The following HSPA12A variants were observed in gnomAD, a reference collection of about 807,000 sequenced individuals.
HSPA12A encodes the protein heat shock 70 kDa protein 12A.
A neutral mutation model predicts 69.2 loss-of-function variants in HSPA12A; 28 were observed. The observed-to-expected ratio is 0.40, with a 90% CI of 0.30 to 0.55. The LOEUF is 0.55. Ranked by LOEUF, HSPA12A falls within the 20% of genes least tolerant of loss-of-function variation. HSPA12A has a pLI of 0.38. For synonymous variants in HSPA12A, 345 were observed against 370.5 expected (o/e 0.93, Z 0.79); for missense variants, 686 against 900.7 (o/e 0.76, Z 3.05).
intron 2 of HSPA12A, among the ~76,000 whole-genome samples, chr10:116,795,366 T>C (rs1844796441): frequency 1.3e-5 from 2 of 152,140 alleles, no homozygotes; most frequent in South Asian, 4.1e-4. Context: ...AGTAGTAAAA[T>C]AAAATTTCCT....
intron 1 of HSPA12A, among the ~76,000 whole-genome samples, chr10:116,837,087 T>C (rs967629210): frequency 1.3e-5 from 2 of 152,154 alleles, no homozygotes; most frequent in African/African-American, 4.8e-5. Context: ...TGACACACTG[T>C]GGGAACGGGG....
Position 116,723,862 on chromosome 10 carries a change from C to T in HSPA12A, c.41-16577G>A, listed in dbSNP as rs1036974858. ...GGGCTGTGCTTCCAGGCCCATCTAC[C>T]ATCTTGCCCGATGCCCACCTGAGGG... On this transcript the variant is annotated intron_variant, in intron 1 of 11. Transcript: ENST00000369209. The surrounding 1 kb of genome is among the most constrained non-coding windows in gnomAD (Gnocchi z 4.1). Among the ~76,000 whole-genome samples, 14 of 152,204 alleles carry T rather than the reference C, an allele frequency of 9.2e-5. No individual in the cohort carries two copies. The highest frequency in any genetic ancestry group is 1.5e-5 in the Non-Finnish European group (1 of 68,034).
intron 1 of HSPA12A, among the ~76,000 whole-genome samples, chr10:116,734,704 G>A (rs1442380607): frequency 9.0e-5 from 13 of 144,140 alleles, no homozygotes; most frequent in Non-Finnish European, 3.0e-5. Flanking sequence ...TGAAAAAAGT[G>A]CATTCTGGGC....
intron 3 of HSPA12A, among the ~76,000 whole-genome samples, chr10:116,701,745 G>A (rs1412660680): frequency 6.6e-6 from 1 of 152,206 alleles, no homozygotes; most frequent in Non-Finnish European, 1.5e-5. Context: ...GCGTTGGTTG[G>A]AGAGAGTATG....
At chr10:116,685,922 C>T (rs1194820255) in intron 6 of HSPA12A, among the ~76,000 whole-genome samples, 2 of 152,152 alleles carry the variant, frequency 1.3e-5, no homozygotes, top group Non-Finnish European at 2.9e-5. Flanking sequence ...CTGCACTGTC[C>T]GTGGCGAACC....
At chr10:116,683,602 C>A in intron 7 of HSPA12A, 189 bp downstream of exon 7, 1 of 437,922 alleles carries the variant, frequency 2.3e-6, no homozygotes. Context: ...ACCATGCCTC[C>A]ATTTATGGGG....
Position 116,710,188 on chromosome 10 carries a change from C to T in HSPA12A, c.41-2903G>A, listed in dbSNP as rs564401085. ...CTGCCCACAGCCCTTGGGCAGCCTG[C>T]GGAGAAATGCCATCAGCACCAGAAG... On this transcript the variant is annotated intron_variant, in intron 1 of 11. Coordinates refer to ENST00000369209, the MANE Select transcript of HSPA12A (RefSeq NM_025015.3). This position sits in a 1 kb window ranked among gnomAD's most constrained non-coding sequence, Gnocchi z 4.1. Among the ~76,000 whole-genome samples the T allele has an allele frequency of 6.6e-5, 10 of 152,266 alleles. No individual in the cohort carries two copies. Among genetic ancestry groups the T allele is most frequent in the Middle Eastern group, 3.4e-3 (1 of 292 alleles).
chr10:116,717,142 A>T (rs952312568), intron 1 of HSPA12A, among the ~76,000 whole-genome samples: 3 of 152,160 alleles, frequency 2.0e-5, no homozygotes, highest in Admixed American at 6.5e-5. Flanking sequence ...TACTATCATT[A>T]TTCCCATTCT....
intron 2 of HSPA12A, among the ~76,000 whole-genome samples, chr10:116,819,342 C>T (rs568288306): frequency 1.3e-5 from 2 of 152,210 alleles, no homozygotes; most frequent in Non-Finnish European, 2.9e-5. Flanking sequence ...TTGCACTTTA[C>T]ATAGGAGGGT....
At chr10:116,684,582 T>C (rs1849522144) in intron 6 of HSPA12A, among the ~76,000 whole-genome samples, 1 of 152,058 alleles carries the variant, frequency 6.6e-6, no homozygotes, top group East Asian at 1.9e-4. Context: ...GGGTGACAGA[T>C]AAGCAGTGGC....
At chr10:116,737,941 G>A (rs185948612) in intron 1 of HSPA12A, among the ~76,000 whole-genome samples, 6 of 152,318 alleles carry the variant, frequency 3.9e-5, no homozygotes, top group African/African-American at 9.6e-5. Flanking sequence ...CGCTGGCCCC[G>A]CTCACTCCTG....
chr10:116,758,263 C>A (rs1315929716), intron 2 of HSPA12A, among the ~76,000 whole-genome samples: 1 of 152,162 alleles, frequency 6.6e-6, no homozygotes, highest in Non-Finnish European at 1.5e-5. Context: ...TAGCTCTGCT[C>A]ACCCTTGCCC....
In HSPA12A at chr10:116,723,796, G is replaced by T. The variant is rs1554884689; in HGVS notation, c.41-16511C>A. 6.6e-6 allele frequency among the ~76,000 whole-genome samples: 1 copy of T among 152,186 alleles called. No homozygotes were observed. On this transcript the variant is annotated intron_variant, in intron 1 of 11. Transcript: ENST00000369209. This position sits in a 1 kb window ranked among gnomAD's most constrained non-coding sequence, Gnocchi z 4.1. ...AGTCAGCCTCTCCACCCGTTCCTTAGATCCCGGCTGCTTCCAGTACCGAGC... is the reference window on the plus strand; with the variant it reads ...AGTCAGCCTCTCCACCCGTTCCTTATATCCCGGCTGCTTCCAGTACCGAGC...
At chr10:116,784,088 C>G (rs1378027094) in intron 2 of HSPA12A, among the ~76,000 whole-genome samples, 1 of 152,240 alleles carries the variant, frequency 6.6e-6, no homozygotes, top group South Asian at 2.1e-4. Flanking sequence ...ACATCAGGAC[C>G]TGGTTGCAGT....
chr10:116,707,310 C>A, intron 1 of HSPA12A, 25 bp from the exon 2 acceptor site: 1 of 1,579,670 alleles, frequency 6.3e-7, no homozygotes, highest in South Asian at 1.1e-5. Flanking sequence ...AAAGCCGCCT[C>A]CTTAGAAGTG....
chr10:116,683,738 CCAGGG>C, intron 7 of HSPA12A, 48 bp downstream of exon 7: 1 of 1,439,446 alleles, frequency 6.9e-7, no homozygotes. Flanking sequence ...AGAGAGACAT[CCAGGG>C]CTTGGGAAGG....
chr10:116,803,708 G>A (rs1268992252), intron 2 of HSPA12A, among the ~76,000 whole-genome samples: 6 of 152,192 alleles, frequency 3.9e-5, no homozygotes, highest in Non-Finnish European at 7.3e-5. Context: ...TTCTGAATGA[G>A]GCACATCTTT....
chr10:116,742,679 G>C, upstream of HSPA12A: 7 of 862,580 alleles, frequency 8.1e-6, no homozygotes, highest in Non-Finnish European at 9.8e-6. Context: ...GCTCGGGCCG[G>C]CCGGGAAAGG....
chr10:116,807,714 C>T (rs983606426), intron 2 of HSPA12A, among the ~76,000 whole-genome samples: 3 of 152,184 alleles, frequency 2.0e-5, no homozygotes, highest in African/African-American at 7.2e-5. Context: ...GGACAATACA[C>T]CGTGAGTCTG....
Sources: gnomAD v4.1 joint callset for allele counts (sites outside exome capture counted in the v4.1 genomes callset) on GRCh38, gnomAD v4.1.1 for gene constraint, Gnocchi (gnomAD v3.1) non-coding constraint, MANE v1.5 for transcripts, NCBI Gene and HGNC (gene_info 2026-07-23, HGNC 2026-07-21) for gene names.